TMPRSS7: variants seen among roughly 807,000 people sequenced by gnomAD.
TMPRSS7 encodes the protein transmembrane protease serine 7.
TMPRSS7 carries 81 observed loss-of-function variants against 95.6 expected under a neutral mutation model. The ratio of observed to expected loss-of-function variants is 0.85; its 90% CI spans 0.71 to 1.02. The LOEUF (loss-of-function observed/expected upper bound fraction) is 1.02, where lower values mean the gene tolerates loss of function less well. Ranked by LOEUF, TMPRSS7 falls within the 50% of genes least tolerant of loss-of-function variation. The pLI is 0.00. For missense variants in TMPRSS7, 945 were observed against 955.2 expected, an observed-to-expected ratio of 0.99 and a Z score of 0.14; for synonymous variants, 364 against 337.8, an observed-to-expected ratio of 1.08 and a Z score of -0.85.
At chr3:112,076,831 G>A (rs1263457441) in intron 15 of TMPRSS7, 45 bp from the exon 16 acceptor site, 1 of 1,590,464 alleles carries the variant, frequency 6.3e-7, no homozygotes, top group Admixed American at 1.7e-5. Flanking sequence ...AACTGTATGT[G>A]GTTCTTTAAG....
Position 112,077,129 on chromosome 3 carries a change from C to T in TMPRSS7, c.2209C>T (p.Arg737Ter), listed in dbSNP as rs190021198. 8.8e-5 allele frequency: 142 copies of T among 1,613,756 alleles called. 1 individual carries two copies. The Admixed American group carries it at 9.3e-4, about 11-fold the overall frequency. ...GAAGTGCTGGGTAACTGGCTGGGGG[C>T]GAAGACACGAAGCAGGTGTGTGTAT... The change falls in exon 16 of 18, where the codon CGA becomes TGA. Residue 737 changes from arginine (R) to a stop codon, truncating the protein, a stop_gained. Coordinates refer to ENST00000452346, the Ensembl canonical transcript of TMPRSS7. LOFTEE classifies it high-confidence loss of function.
At chr3:112,053,679 C>T (rs899984200) in intron 9 of TMPRSS7, among the ~76,000 whole-genome samples, 1 of 152,162 alleles carries the variant, frequency 6.6e-6, no homozygotes, top group Admixed American at 6.5e-5. Context: ...ATATTCTTAG[C>T]ACATTTTATA....
chr3:112,075,868 AGAGG>A (rs1347723934), intron 15 of TMPRSS7, among the ~76,000 whole-genome samples: 2 of 152,210 alleles, frequency 1.3e-5, no homozygotes, highest in Admixed American at 6.5e-5. Flanking sequence ...GCCAAGGGTA[AGAGG>A]ACATCTTAGA....
At chr3:112,069,968 G>C (rs2073622099) in intron 13 of TMPRSS7, among the ~76,000 whole-genome samples, 1 of 152,138 alleles carries the variant, frequency 6.6e-6, no homozygotes, top group African/African-American at 2.4e-5. Flanking sequence ...GGTGTTTAGT[G>C]CAACAAATTT....
intron 11 of TMPRSS7, among the ~76,000 whole-genome samples, chr3:112,063,004 T>A (rs2073529969): frequency 6.6e-6 from 1 of 152,200 alleles, no homozygotes. Context: ...GTAAGTAATC[T>A]CTCTAGGTCC....
chr3:112,061,035 C>T (rs1342943974), intron 10 of TMPRSS7, among the ~76,000 whole-genome samples: 2 of 152,134 alleles, frequency 1.3e-5, no homozygotes, highest in Non-Finnish European at 2.9e-5. Flanking sequence ...ACCCCCAAGC[C>T]TTGTGTCTGC....
intron 12 of TMPRSS7, among the ~76,000 whole-genome samples, chr3:112,063,972 G>C (rs991965032): frequency 1.3e-5 from 2 of 152,202 alleles, no homozygotes; most frequent in African/African-American, 4.8e-5. Flanking sequence ...AAAAGGAAAA[G>C]AGGGGAGAGC....
rs2073298396 is a variant in TMPRSS7, at chr3:112,047,822, A to T, written c.814A>T (p.Met272Leu). Reference sequence around the variant, plus strand: ...GATTTCTGCAGCCTCAGGGAGGCTGATGTGTCACTTCAAGCTGGTGGCCAT... The same window carrying T: ...GATTTCTGCAGCCTCAGGGAGGCTGTTGTGTCACTTCAAGCTGGTGGCCAT... The change falls in exon 7 of 18, where the codon ATG becomes TTG. Residue 272 changes from methionine (M) to leucine (L), a missense_variant. Met to Leu is a conservative substitution (Grantham distance 15). Transcript: ENST00000452346. The T allele has an allele frequency of 1.2e-6, 2 of 1,613,946 alleles. No individual in the cohort carries two copies. The highest frequency in any genetic ancestry group is 4.5e-5 in the East Asian group (2 of 44,882).
Position 112,038,328 on chromosome 3 carries a change from T to G in TMPRSS7, c.298+7T>G. 1.4e-6 allele frequency: 1 copy of G among 700,060 alleles called. No individual in the cohort carries two copies. The highest frequency in any genetic ancestry group is 2.6e-6 in the Non-Finnish European group (1 of 383,086). 43.4% of individuals were successfully genotyped at this position (700,060 alleles called of 1,614,324 possible). A position where few individuals can be genotyped will look rare whatever the true frequency, so the allele number is the denominator to read the frequency against. ...CTTCTGTGGCTGTATATCAGTAAGT[T>G]AAAAATCTGTGTTTCTTTGGGGTTA... On this transcript the variant is annotated splice_region_variant and intron_variant, in intron 2 of 17. Coordinates refer to ENST00000452346, the Ensembl canonical transcript of TMPRSS7.
In TMPRSS7 at chr3:112,076,865, T is replaced by C; in HGVS notation, c.1956-11T>C. 6.2e-7 allele frequency: 1 copy of C among 1,612,040 alleles called. No individual in the cohort carries two copies. Among genetic ancestry groups the C allele is most frequent in the Non-Finnish European group, 8.5e-7 (1 of 1,178,902 alleles). The stretch of plus-strand genomic sequence containing the variant: ...AGCTGCTAACTTTATGTTTCATTAC[T>C]GTTCTATCAGGCTGTCAGATCCCAC... On this transcript the variant is annotated splice_polypyrimidine_tract_variant and intron_variant, in intron 15 of 17. Transcript: ENST00000452346.
At chr3:112,049,868 A>G in exon 8 of TMPRSS7, 1 of 1,541,318 alleles carries the variant, frequency 6.5e-7, no homozygotes, top group Non-Finnish European at 8.8e-7. Flanking sequence ...CAAGAACATT[A>G]ATGTCATTTG....
intron 1 of TMPRSS7, among the ~76,000 whole-genome samples, chr3:112,035,602 T>C (rs2073145508): frequency 6.6e-6 from 1 of 152,146 alleles, no homozygotes; most frequent in Admixed American, 6.6e-5. Flanking sequence ...AAAAGAGAGA[T>C]TATTTCTTTG....
chr3:112,041,335 C>G (rs2107736461), intron 2 of TMPRSS7, among the ~76,000 whole-genome samples: 1 of 152,282 alleles, frequency 6.6e-6, no homozygotes, highest in Non-Finnish European at 1.5e-5. Context: ...GAAGCTGTTT[C>G]CTATCACTCA....
intron 15 of TMPRSS7, among the ~76,000 whole-genome samples, chr3:112,075,955 CT>C (rs967761077): frequency 2.1e-4 from 32 of 152,238 alleles, no homozygotes; most frequent in Non-Finnish European, 4.4e-4. Context: ...TCATTCACTT[CT>C]CATTCTGCAT....
chr3:112,043,112 G>A (rs1423883457), intron 3 of TMPRSS7: 4 of 455,710 alleles, frequency 8.8e-6, no homozygotes, highest in African/African-American at 4.0e-5. Flanking sequence ...GTCCTGTGTC[G>A]CTTAACAATG....
At chr3:112,075,705 T>C (rs1054995289) in intron 15 of TMPRSS7, among the ~76,000 whole-genome samples, 2 of 152,160 alleles carry the variant, frequency 1.3e-5, no homozygotes, top group Non-Finnish European at 2.9e-5. Context: ...ATGAATAGGC[T>C]TTTACTAAGG....
chr3:112,079,726 T>C (rs1483769858), intron 17 of TMPRSS7, among the ~76,000 whole-genome samples: 1 of 152,216 alleles, frequency 6.6e-6, no homozygotes, highest in Non-Finnish European at 1.5e-5. Flanking sequence ...AAACTCATCC[T>C]ATAATAATGA....
exon 15 of TMPRSS7, chr3:112,075,435 C>T (rs911244208): frequency 6.4e-7 from 1 of 1,554,094 alleles, no homozygotes; most frequent in Non-Finnish European, 8.7e-7. Context: ...TACTGTGGTG[C>T]CTCAGTCATC....
intron 9 of TMPRSS7, among the ~76,000 whole-genome samples, chr3:112,052,720 G>A (rs529830519): frequency 6.9e-4 from 105 of 152,264 alleles, no homozygotes; most frequent in African/African-American, 2.5e-3. Flanking sequence ...GAGCTTGTGT[G>A]ATAGCAGAAA....
Sources: gnomAD v4.1 joint callset for allele counts (sites outside exome capture counted in the v4.1 genomes callset) on GRCh38, gnomAD v4.1.1 for gene constraint, MANE v1.5 for transcripts, NCBI Gene and HGNC (gene_info 2026-07-23, HGNC 2026-07-21) for gene names.